Variants in PKHD1 observed in about 807,000 individuals in gnomAD.
PKHD1 encodes the protein fibrocystin.
Under a neutral mutation model 412.0 loss-of-function variants are expected in PKHD1, and 291 were observed. The observed-to-expected ratio is 0.71, with a 90% confidence interval of 0.64 to 0.78. The LOEUF (loss-of-function observed/expected upper bound fraction) is 0.78. Among genes scored for constraint, PKHD1 ranks in the 30% least tolerant of loss-of-function variants. The pLI, the probability that PKHD1 is intolerant of heterozygous loss-of-function variation, is 0.00. For missense variants in PKHD1, 4,825 were observed against 4,950.7 expected (o/e 0.97, Z 0.76); for synonymous variants, 1,777 against 1,821.5 (o/e 0.98, Z 0.62).
chr6:51,960,788 T>C (rs1039832497), intron 35 of PKHD1, among the ~76,000 whole-genome samples: 2 of 152,102 alleles, frequency 1.3e-5, no homozygotes, highest in African/African-American at 4.8e-5. Flanking sequence ...AAGCACTCCC[T>C]CTCCACCCCA....
At chr6:51,975,853 G>A (rs903940227) in intron 35 of PKHD1, 3 of 148,682 alleles carry the variant, frequency 2.0e-5, no homozygotes, top group African/African-American at 7.5e-5. Context: ...ACCCAGGTTG[G>A]AAAAAGAGCA....
Position 51,753,310 on chromosome 6 carries a change from A to T in PKHD1, c.8841T>A (p.Ala2947=). The T allele has an allele frequency of 1.2e-6, 2 of 1,613,876 alleles. No homozygotes were observed. Among genetic ancestry groups the T allele is most frequent in the Non-Finnish European group, 1.7e-6 (2 of 1,179,806 alleles). ...VTEDGRHIRL[A]AEVGLLTRNI... Reference sequence around the variant, plus strand: ...TTCGGGTCAACAGTCCAACCTCAGCAGCCAAACGAATGTGTCGGCCATCCT... The same window carrying T: ...TTCGGGTCAACAGTCCAACCTCAGCTGCCAAACGAATGTGTCGGCCATCCT... The change falls in exon 57 of 67, where the codon GCT becomes GCA. Residue 2947 remains alanine (A), a synonymous_variant. Transcript: ENST00000371117.
intron 51 of PKHD1, among the ~76,000 whole-genome samples, chr6:51,833,854 C>A (rs555744505): frequency 2.0e-5 from 3 of 151,644 alleles, no homozygotes; most frequent in Admixed American, 6.6e-5. Flanking sequence ...GAACCACAGC[C>A]TTTGATCTGT....
chr6:51,834,467 T>C (rs901109717), intron 51 of PKHD1, among the ~76,000 whole-genome samples: 1 of 152,102 alleles, frequency 6.6e-6, no homozygotes, highest in African/African-American at 2.4e-5. Context: ...CATAGATAGA[T>C]GGTTAACTCA....
chr6:51,636,055 A>G (rs1052605041), intron 64 of PKHD1, among the ~76,000 whole-genome samples: 2 of 152,158 alleles, frequency 1.3e-5, no homozygotes, highest in African/African-American at 4.8e-5. Context: ...AACTTACAGA[A>G]ACCCTTATCT....
chr6:51,632,658 T>C lies in PKHD1; in HGVS notation c.11572A>G (p.Thr3858Ala), dbSNP rs1180404523. ...VLPVTRKEKS[T>A]IILAASLSSV... ...GACAGGGAAGCAGCCAGGATGATGG[T>C]CGACTTCTCCTTCCTAGTCACAGGC... Residue 3858 changes from threonine to alanine, a missense_variant, in exon 65 of 67, where the codon ACC becomes GCC. Coordinates refer to ENST00000371117, the MANE Select transcript of PKHD1 (RefSeq NM_138694.4). 1 of 1,613,458 alleles carries C rather than the reference T, an allele frequency of 6.2e-7. No homozygotes were observed. The highest frequency in any genetic ancestry group is 1.1e-5 in the South Asian group (1 of 91,064).
intron 60 of PKHD1, among the ~76,000 whole-genome samples, chr6:51,704,732 T>C (rs1289487195): frequency 6.6e-6 from 1 of 152,020 alleles, no homozygotes; most frequent in Non-Finnish European, 1.5e-5. Context: ...GGAACAGAGA[T>C]GTTGTCTAGG....
At chr6:51,639,462 T>A (rs948223748) in intron 63 of PKHD1, among the ~76,000 whole-genome samples, 4 of 152,128 alleles carry the variant, frequency 2.6e-5, no homozygotes, top group African/African-American at 9.7e-5. Flanking sequence ...CTATAGTTTA[T>A]GTGGTACCAG....
Position 51,903,607 on chromosome 6 carries a change from T to C in PKHD1, c.6986A>G (p.Asn2329Ser), listed in dbSNP as rs1781604654. 3 of 1,610,476 alleles carry C rather than the reference T, an allele frequency of 1.9e-6. No individual in the cohort carries two copies. The highest frequency in any genetic ancestry group is 1.7e-5 in the Admixed American group (1 of 59,936). Residue 2329 changes from asparagine (N) to serine (S), a missense_variant, in exon 43 of 67, where the codon AAT becomes AGT. Asn to Ser is a conservative substitution (Grantham distance 46). Coordinates refer to ENST00000371117, the MANE Select transcript of PKHD1 (RefSeq NM_138694.4). ...PSGIYICSPT[N>S]VIEGNRVCGA... is the part of the protein sequence containing the mutation. ...AGCTGAACATCTTACCTCTATAACA[T>C]TGGTGGGACTGCAGATATAGATGCC...
chr6:52,013,649 G>A (rs545633480), intron 34 of PKHD1, among the ~76,000 whole-genome samples: 1 of 151,998 alleles, frequency 6.6e-6, no homozygotes, highest in East Asian at 1.9e-4. Context: ...TACAGATACA[G>A]ATATACATGC....
At chr6:51,867,340 G>C (rs1361453027) in intron 48 of PKHD1, among the ~76,000 whole-genome samples, 2 of 152,032 alleles carry the variant, frequency 1.3e-5, no homozygotes, top group African/African-American at 2.4e-5. Context: ...AGGAGTCCTT[G>C]CTCCAATATT....
At chr6:51,627,405 A>T (rs1041836116) in intron 65 of PKHD1, among the ~76,000 whole-genome samples, 1 of 151,438 alleles carries the variant, frequency 6.6e-6, no homozygotes, top group Non-Finnish European at 1.5e-5. Context: ...TATAATGTAC[A>T]CACTCAATTT....
At chr6:51,910,773 T>C (rs941610965) in intron 39 of PKHD1, among the ~76,000 whole-genome samples, 3 of 152,146 alleles carry the variant, frequency 2.0e-5, no homozygotes, top group African/African-American at 7.2e-5. Flanking sequence ...GTGAACCCAC[T>C]GTTATCCAAA....
chr6:51,853,933 G>C (rs185578431), intron 49 of PKHD1, among the ~76,000 whole-genome samples: 4 of 152,208 alleles, frequency 2.6e-5, no homozygotes, highest in African/African-American at 9.6e-5. Context: ...TCATCCATTT[G>C]ATCCTCCATC....
chr6:51,761,146 C>T (rs1012055242), intron 55 of PKHD1, among the ~76,000 whole-genome samples: 1 of 151,924 alleles, frequency 6.6e-6, no homozygotes, highest in Non-Finnish European at 1.5e-5. Context: ...CAACATTATT[C>T]GCAAGAGCCA....
chr6:51,638,486 A>G (rs890010886), intron 64 of PKHD1, among the ~76,000 whole-genome samples: 30 of 152,166 alleles, frequency 2.0e-4, no homozygotes, highest in African/African-American at 7.0e-4. Flanking sequence ...GACAGGACCC[A>G]AAGTTAAAAT....
intron 37 of PKHD1, among the ~76,000 whole-genome samples, chr6:51,915,283 C>G (rs552636399): frequency 3.3e-5 from 5 of 152,186 alleles, no homozygotes; most frequent in African/African-American, 1.2e-4. Flanking sequence ...GAACTTAATC[C>G]TGAGAGAAGG....
intron 36 of PKHD1, among the ~76,000 whole-genome samples, chr6:51,954,167 G>A (rs1055055988): frequency 6.6e-6 from 1 of 152,028 alleles, no homozygotes; most frequent in Admixed American, 6.6e-5. Context: ...TTCTTACTCT[G>A]GACCAGGCTG....
intron 60 of PKHD1, chr6:51,721,534 A>G (rs1781927084): frequency 1.0e-5 from 10 of 986,050 alleles, no homozygotes; most frequent in Non-Finnish European, 1.2e-5. Flanking sequence ...TTTATCTCCA[A>G]AGCTCTAATT....
Sources: gnomAD v4.1 joint callset for allele counts (sites outside exome capture counted in the v4.1 genomes callset) on GRCh38, gnomAD v4.1.1 for gene constraint, MANE v1.5 for transcripts, NCBI Gene and HGNC (gene_info 2026-07-23, HGNC 2026-07-21) for gene names.